OXR1: variants seen among roughly 807,000 people sequenced by gnomAD.
OXR1 encodes the protein oxidation resistance 1.
Under a neutral mutation model 104.6 loss-of-function variants are expected in OXR1, and 41 were observed. The observed-to-expected ratio is 0.39, with a 90% CI of 0.31 to 0.51. The LOEUF (loss-of-function observed/expected upper bound fraction) is 0.51. OXR1 is among the 20% of genes least tolerant of loss of function. OXR1 has a pLI of 0.77. For missense variants in OXR1, 955 were observed against 1,031.9 expected (o/e 0.93, Z 1.02); for synonymous variants, 348 against 348.4 (o/e 1.00, Z 0.01).
intron 3 of OXR1, among the ~76,000 whole-genome samples, chr8:106,627,899 G>T (rs1379776359): frequency 6.6e-6 from 1 of 152,134 alleles, no homozygotes; most frequent in Non-Finnish European, 1.5e-5. Context: ...CTGCAGGTCT[G>T]TATGATTGCA....
At chr8:106,640,770 A>C (rs1823563271) in intron 3 of OXR1, among the ~76,000 whole-genome samples, 1 of 152,178 alleles carries the variant, frequency 6.6e-6, no homozygotes, top group Non-Finnish European at 1.5e-5. Flanking sequence ...AAATTTTGCC[A>C]GTGATTCAAT....
At chr8:106,662,363 T>A (rs1181372891) in intron 3 of OXR1, among the ~76,000 whole-genome samples, 2 of 152,240 alleles carry the variant, frequency 1.3e-5, no homozygotes, top group Non-Finnish European at 2.9e-5. Context: ...AATATTTTTT[T>A]AAATGATTAT....
chr8:106,597,315 T>C (rs1819608249), intron 3 of OXR1, among the ~76,000 whole-genome samples: 1 of 152,094 alleles, frequency 6.6e-6, no homozygotes, highest in South Asian at 2.1e-4. Context: ...CCTGTGAAGT[T>C]AGAGTGAGAT....
chr8:106,419,871 T>G (rs1329019553), intron 2 of OXR1, among the ~76,000 whole-genome samples: 1 of 152,112 alleles, frequency 6.6e-6, no homozygotes, highest in Non-Finnish European at 1.5e-5. Flanking sequence ...CATTCAAACT[T>G]TTTTCAGAAA....
At chr8:106,460,846 C>T (rs1326481691) in intron 2 of OXR1, among the ~76,000 whole-genome samples, 1 of 151,718 alleles carries the variant, frequency 6.6e-6, no homozygotes, top group East Asian at 1.9e-4. Context: ...TGTTTTACAG[C>T]TATTTATATA....
chr8:106,671,214 T>C (rs773953020), intron 3 of OXR1, among the ~76,000 whole-genome samples: 34 of 148,442 alleles, frequency 2.3e-4, no homozygotes, highest in African/African-American at 4.7e-4. Context: ...AAGATGGACA[T>C]TGATTTCTCA....
At chr8:106,689,067 T>C (rs2131273141) in intron 6 of OXR1, among the ~76,000 whole-genome samples, 1 of 152,200 alleles carries the variant, frequency 6.6e-6, no homozygotes, top group Admixed American at 6.5e-5. Flanking sequence ...CCTAGTATTA[T>C]CATAACAAAG....
intron 8 of OXR1, among the ~76,000 whole-genome samples, chr8:106,705,849 G>A (rs1831095871): frequency 1.3e-5 from 2 of 151,950 alleles, no homozygotes; most frequent in Non-Finnish European, 2.9e-5. Context: ...ATATACTTTT[G>A]CTTGAGTTTT....
rs7824381 is a variant in OXR1 at position 106,393,652 on chromosome 8, C to A, written c.23+34016C>A. On this transcript the variant is annotated intron_variant, in intron 2 of 16. Transcript: ENST00000517566. ...GATGGTTTTTGTGAGTAATGAAATA[C>A]ATAACATAAGGTGGATTGAAAGGTG... 2.0e-5 allele frequency among the ~76,000 whole-genome samples: 3 copies of A among 151,656 alleles called. No homozygotes were observed. The South Asian group carries it at 6.2e-4, about 31-fold the overall frequency.
rs548845725 is a variant in OXR1, at chr8:106,705,429, G to T, written c.861-953G>T. On this transcript the variant is annotated intron_variant, in intron 8 of 16. Transcript: ENST00000517566. ...AAAAATTGGAAAATACTGAAAAGCG[G>T]AACAAGACAAAGAGTTACCCAGCTT... is the stretch of plus-strand genomic sequence containing the variant. 2.6e-5 allele frequency among the ~76,000 whole-genome samples: 4 copies of T among 152,178 alleles called. No individual in the cohort carries two copies. In the South Asian group the frequency reaches 6.2e-4, roughly 24 times the overall value.
chr8:106,562,677 C>A (rs1472855046), intron 3 of OXR1, among the ~76,000 whole-genome samples: 1 of 152,052 alleles, frequency 6.6e-6, no homozygotes, highest in Non-Finnish European at 1.5e-5. Flanking sequence ...GTCAGATTCA[C>A]CAAGGTTGAA....
intron 16 of OXR1, among the ~76,000 whole-genome samples, chr8:106,750,238 C>T (rs1835762848): frequency 6.6e-6 from 1 of 150,776 alleles, no homozygotes; most frequent in Non-Finnish European, 1.5e-5. Flanking sequence ...GTACCTGTCT[C>T]AAAAGCTAAT....
chr8:106,384,126 T>C (rs1401104611), intron 2 of OXR1, among the ~76,000 whole-genome samples: 3 of 152,130 alleles, frequency 2.0e-5, no homozygotes, highest in African/African-American at 7.2e-5. Flanking sequence ...ATGATGCTTG[T>C]CTATAAAAAG....
rs79401109 is a variant in OXR1, at chr8:106,667,080, T to C, written c.221-12130T>C. Among the ~76,000 whole-genome samples, 306 of 152,342 alleles carry C rather than the reference T, an allele frequency of 2.0e-3. 12 individuals are homozygous for C. In the East Asian group the frequency reaches 0.054, roughly 27 times the overall value. The stretch of plus-strand genomic sequence containing the variant: ...AGGCAGATATAAAACATTTTTACCA[T>C]TGCAGAAAGTTTTATTGGGCAGCAT... On this transcript the variant is annotated intron_variant, in intron 3 of 16. Coordinates refer to ENST00000517566, the MANE Select transcript of OXR1 (RefSeq NM_001198533.2).
At chr8:106,330,063 C>G (rs936503070) in intron 1 of OXR1, among the ~76,000 whole-genome samples, 1 of 152,198 alleles carries the variant, frequency 6.6e-6, no homozygotes, top group African/African-American at 2.4e-5. Context: ...CAGCAACCTT[C>G]TGAGTTCCTC....
chr8:106,407,915 C>T (rs1337393878), intron 2 of OXR1, among the ~76,000 whole-genome samples: 3 of 152,192 alleles, frequency 2.0e-5, no homozygotes, highest in Non-Finnish European at 2.9e-5. Context: ...TACTCAGGCA[C>T]TATTGACCAG....
chr8:106,688,514 G>A (rs1828967324), intron 6 of OXR1, among the ~76,000 whole-genome samples: 1 of 152,130 alleles, frequency 6.6e-6, no homozygotes, highest in South Asian at 2.1e-4. Context: ...TAGAATGTAG[G>A]CATATTAAAT....
intron 11 of OXR1, among the ~76,000 whole-genome samples, chr8:106,722,911 A>T (rs1408864040): frequency 6.6e-6 from 1 of 152,184 alleles, no homozygotes; most frequent in East Asian, 1.9e-4. Context: ...CCCAGGTTTT[A>T]TGCCTAATAT....
At chr8:106,400,413 C>T (rs1817954713) in intron 2 of OXR1, among the ~76,000 whole-genome samples, 1 of 152,080 alleles carries the variant, frequency 6.6e-6, no homozygotes, top group South Asian at 2.1e-4. Context: ...GTCTACCCTC[C>T]TAAAAATACT....
Sources: allele counts gnomAD v4.1 joint callset (sites outside exome capture counted in the v4.1 genomes callset), GRCh38; gene constraint gnomAD v4.1.1; transcripts MANE v1.5; gene names NCBI Gene and HGNC (gene_info 2026-07-23, HGNC 2026-07-21).